AHNAK: variants seen among roughly 807,000 people sequenced by gnomAD.
AHNAK encodes the protein neuroblast differentiation-associated protein AHNAK.
Under a neutral mutation model 37.8 loss-of-function variants are expected in AHNAK, and 23 were observed. That is an observed-to-expected ratio of 0.61 (90% CI 0.44 to 0.86). The LOEUF is 0.86. Ranked by LOEUF, AHNAK falls within the 40% of genes least tolerant of loss-of-function variation. The pLI is 0.00. For missense variants in AHNAK, 7,411 were observed against 7,319.4 expected, an observed-to-expected ratio of 1.01 and a Z score of -0.46; for synonymous variants, 2,481 against 2,636.3, an observed-to-expected ratio of 0.94 and a Z score of 1.80.
chr11:62,471,441 C>G (rs557437458), intron 5 of AHNAK, among the ~76,000 whole-genome samples: 1 of 152,286 alleles, frequency 6.6e-6, no homozygotes, highest in Non-Finnish European at 1.5e-5. Flanking sequence ...TCCCAAAGTG[C>G]TGGGATTACA....
chr11:62,475,364 G>A (rs562429448), intron 5 of AHNAK, among the ~76,000 whole-genome samples: 10 of 152,120 alleles, frequency 6.6e-5, no homozygotes, highest in Non-Finnish European at 1.3e-4. Flanking sequence ...TCTTTTGTGG[G>A]AACGTGGATG....
chr11:62,489,240 CAAA>C (rs796392296), intron 5 of AHNAK, among the ~76,000 whole-genome samples: 3 of 99,222 alleles, frequency 3.0e-5, no homozygotes, highest in Admixed American at 1.1e-4. Flanking sequence ...GACTCCATCT[CAAA>C]AAAAAAAAAA....
chr11:62,533,567 G>A lies in AHNAK; in HGVS notation c.850C>T (p.Leu284Phe), dbSNP rs1481393218. Reference protein sequence around the residue: ...QVPAVDISSSLGGRAVEVQGP... With the variant: ...QVPAVDISSSFGGRAVEVQGP... The stretch of plus-strand genomic sequence containing the variant: ...TGTACCTCTACTGCCCTACCCCCAA[G>A]AGAAGATGAAATGTCCACTGCTGGA... Residue 284 changes from leucine to phenylalanine, a missense_variant, in exon 5 of 5, where the codon CTT becomes TTT. Transcript: ENST00000378024. 6.2e-7 allele frequency: 1 copy of A among 1,614,100 alleles called. No homozygotes were observed. Among genetic ancestry groups the A allele is most frequent in the Non-Finnish European group, 8.5e-7 (1 of 1,180,014 alleles).
rs764481314 is a variant in AHNAK, at chr11:62,531,931, C to T, written c.2486G>A (p.Gly829Asp). The change falls in exon 5 of 5, where the codon GGC becomes GAC. Residue 829 changes from glycine (G) to aspartate (D), a missense_variant. Transcript: ENST00000378024. ...ATCATATTCTCCCTTTACGTTAGGG[C>T]CTTTCAGATGTAAGTCCACATCAGG... ...SMPDVDLHLK[G>D]PNVKGEYDVT... 79 of 1,613,928 alleles carry T rather than the reference C, an allele frequency of 4.9e-5. No homozygotes were observed. In the South Asian group the frequency reaches 8.6e-4, roughly 17 times the overall value.
chr11:62,541,119 C>T (rs1007445893), intron 1 of AHNAK, among the ~76,000 whole-genome samples: 1 of 152,188 alleles, frequency 6.6e-6, no homozygotes, highest in Non-Finnish European at 1.5e-5. Context: ...CTGCAGCCAG[C>T]GTCAGTGTGG....
chr11:62,543,321 C>CCT, intron 1 of AHNAK, among the ~76,000 whole-genome samples: 1 of 152,338 alleles, frequency 6.6e-6, no homozygotes, highest in Non-Finnish European at 1.5e-5. Flanking sequence ...CCACTGCCAT[C>CCT]CTCTGCCTCC....
downstream of AHNAK, among the ~76,000 whole-genome samples, chr11:62,511,765 C>G (rs1335587639): frequency 2.0e-5 from 3 of 152,086 alleles, no homozygotes; most frequent in African/African-American, 7.2e-5. Context: ...CTTGCTTTGT[C>G]TGCCAGGCTG....
At chr11:62,461,081 C>T (rs536108137) in intron 5 of AHNAK, among the ~76,000 whole-genome samples, 14 of 149,988 alleles carry the variant, frequency 9.3e-5, no homozygotes, top group African/African-American at 2.9e-4. Flanking sequence ...GTGATCCGCC[C>T]GCCTCGGCCT....
intron 5 of AHNAK, among the ~76,000 whole-genome samples, chr11:62,486,186 AAGT>A (rs1254265560): frequency 1.3e-5 from 2 of 152,060 alleles, no homozygotes; most frequent in Non-Finnish European, 2.9e-5. Context: ...TACAGTCAGA[AAGT>A]AGCAGCCAGG....
intron 5 of AHNAK, among the ~76,000 whole-genome samples, chr11:62,438,494 T>C (rs542892819): frequency 1.3e-5 from 2 of 152,300 alleles, no homozygotes; most frequent in Admixed American, 1.3e-4. Flanking sequence ...TTTCTCATTT[T>C]TTTAATTGGG....
intron 5 of AHNAK, among the ~76,000 whole-genome samples, chr11:62,438,300 G>A (rs762923824): frequency 1.3e-4 from 20 of 149,008 alleles, no homozygotes; most frequent in Non-Finnish European, 2.2e-4. Flanking sequence ...CTCCTGCCTC[G>A]GACTCCCGAG....
At chr11:62,501,492 G>A (rs569917340) in intron 4 of AHNAK, among the ~76,000 whole-genome samples, 3 of 152,190 alleles carry the variant, frequency 2.0e-5, no homozygotes, top group Non-Finnish European at 4.4e-5. Flanking sequence ...GCTTGAACCC[G>A]GGAGGTGGAG....
chr11:62,542,842 G>A (rs1296272557), intron 1 of AHNAK, among the ~76,000 whole-genome samples: 1 of 152,208 alleles, frequency 6.6e-6, no homozygotes, highest in African/African-American at 2.4e-5. Context: ...GGAGCAGAAC[G>A]CTTGGTCTTG....
intron 5 of AHNAK, among the ~76,000 whole-genome samples, chr11:62,469,487 C>G (rs1938985070): frequency 6.6e-6 from 1 of 151,836 alleles, no homozygotes; most frequent in Non-Finnish European, 1.5e-5. Context: ...TTGTTCGAGA[C>G]AGAGTCTCAC....
Position 62,531,928 on chromosome 11 carries a change from G to C in AHNAK, c.2489C>G (p.Pro830Arg). The C allele has an allele frequency of 6.2e-7, 1 of 1,613,576 alleles. No homozygotes were observed. The highest frequency in any genetic ancestry group is 8.5e-7 in the Non-Finnish European group (1 of 1,179,944). The stretch of plus-strand genomic sequence containing the variant: ...GACATCATATTCTCCCTTTACGTTA[G>C]GGCCTTTCAGATGTAAGTCCACATC... Reference protein sequence around the residue: ...MPDVDLHLKGPNVKGEYDVTM... With the variant: ...MPDVDLHLKGRNVKGEYDVTM... The change falls in exon 5 of 5, where the codon CCT (proline) becomes CGT (arginine). Residue 830 changes from proline to arginine, a missense_variant. By Grantham distance (103) the Pro-to-Arg change is moderately radical. Coordinates refer to ENST00000378024, the MANE Select transcript of AHNAK (RefSeq NM_001620.3).
chr11:62,523,496 C>A lies in AHNAK; in HGVS notation c.10921G>T (p.Asp3641Tyr), dbSNP rs1386114443. Residue 3641 changes from aspartate to tyrosine, a missense_variant, in exon 5 of 5, where the codon GAT (aspartate) becomes TAT (tyrosine). Coordinates refer to ENST00000378024, the MANE Select transcript of AHNAK (RefSeq NM_001620.3). Reference sequence around the variant, plus strand: ...CCTTCAATATTCACGTCTGGAACATCAACGTCTACATTGGGACCAGAAATG... The same window carrying A: ...CCTTCAATATTCACGTCTGGAACATAAACGTCTACATTGGGACCAGAAATG... ...IDISGPNVDV[D>Y]VPDVNIEGPD... The A allele has an allele frequency of 1.2e-6, 2 of 1,613,716 alleles. No individual in the cohort carries two copies. The highest frequency in any genetic ancestry group is 2.7e-5 in the African/African-American group (2 of 74,782).
intron 5 of AHNAK, among the ~76,000 whole-genome samples, chr11:62,475,266 G>A (rs543662953): frequency 2.0e-5 from 3 of 152,192 alleles, no homozygotes; most frequent in East Asian, 3.9e-4. Context: ...TCGCACCATT[G>A]CACTCCAACC....
At position 62,458,065 on chromosome 11, in the gene AHNAK, C is replaced by A. The variant is rs554115310; in HGVS notation, c.443-24174G>T. Among the ~76,000 whole-genome samples the A allele has an allele frequency of 5.1e-4, 77 of 150,362 alleles. 1 individual carries two copies. Among genetic ancestry groups the A allele is most frequent in the African/African-American group, 1.6e-3 (67 of 41,012 alleles). On this transcript the variant is annotated intron_variant, in intron 5 of 5. Transcript: ENST00000257247. ...AGTAGCTGGGATTACAGGTGCCCGG[C>A]AACATGCCTGTCTAATTTTTTTTTT...
chr11:62,533,527 T>C lies in AHNAK; in HGVS notation c.890A>G (p.Glu297Gly), dbSNP rs959131943. 6.2e-7 allele frequency: 1 copy of C among 1,613,996 alleles called. No individual in the cohort carries two copies. Among genetic ancestry groups the C allele is most frequent in the Non-Finnish European group, 8.5e-7 (1 of 1,180,030 alleles). ...RAVEVQGPSLESGDHGKIKFP... is the reference protein window; with the variant it reads ...RAVEVQGPSLGSGDHGKIKFP... ...TTTAATTTTGCCATGATCACCACTC[T>C]CCAGAGATGGGCCCTGTACCTCTAC... is the stretch of plus-strand genomic sequence containing the variant. Residue 297 changes from glutamate to glycine, a missense_variant, in exon 5 of 5, where the codon GAG (glutamate) becomes GGG (glycine). Transcript: ENST00000378024.
Sources: gnomAD v4.1 joint callset for allele counts (sites outside exome capture counted in the v4.1 genomes callset) on GRCh38, gnomAD v4.1.1 for gene constraint, MANE v1.5 for transcripts, NCBI Gene and HGNC (gene_info 2026-07-23, HGNC 2026-07-21) for gene names.